MDGA2: variants seen among roughly 807,000 people sequenced by gnomAD.
MDGA2 encodes the protein MAM domain-containing glycosylphosphatidylinositol anchor protein 2.
A neutral mutation model predicts 117.8 loss-of-function variants in MDGA2; 40 were observed. The ratio of observed to expected loss-of-function variants is 0.34; its 90% CI spans 0.26 to 0.44. The LOEUF (loss-of-function observed/expected upper bound fraction) is 0.44, where lower values mean the gene tolerates loss of function less well. MDGA2 is among the 20% of genes least tolerant of loss of function. MDGA2 has a pLI of 1.00. For synonymous variants in MDGA2, 452 were observed against 439.0 expected (o/e 1.03, Z -0.37); for missense variants, 1,123 against 1,250.6 (o/e 0.90, Z 1.54).
At chr14:47,645,132 G>C (rs1429783281) in intron 1 of MDGA2, among the ~76,000 whole-genome samples, 1 of 152,100 alleles carries the variant, frequency 6.6e-6, no homozygotes, top group African/African-American at 2.4e-5. Context: ...TAACATATTT[G>C]AATGGCTTTA....
At chr14:47,633,697 C>T (rs1487344715) in intron 1 of MDGA2, among the ~76,000 whole-genome samples, 1 of 152,170 alleles carries the variant, frequency 6.6e-6, no homozygotes, top group African/African-American at 2.4e-5. Context: ...TTTACAAATG[C>T]TGTGCGAAAG....
chr14:47,555,023 G>C (rs962349931), intron 1 of MDGA2, among the ~76,000 whole-genome samples: 1 of 152,128 alleles, frequency 6.6e-6, no homozygotes, highest in African/African-American at 2.4e-5. Context: ...GCCTATAAAC[G>C]TTATGGGAAA....
chr14:47,372,766 C>G (rs1052781032), intron 1 of MDGA2, among the ~76,000 whole-genome samples: 1 of 151,812 alleles, frequency 6.6e-6, no homozygotes, highest in South Asian at 2.1e-4. Flanking sequence ...AAATGATTAT[C>G]GTAGCTTTGT....
intron 1 of MDGA2, among the ~76,000 whole-genome samples, chr14:47,530,560 C>A (rs1895076915): frequency 6.6e-6 from 1 of 152,074 alleles, no homozygotes; most frequent in South Asian, 2.1e-4. Context: ...TCAAACGATC[C>A]TAAATCCCTC....
At chr14:46,847,636 T>C (rs1313481252) in intron 15 of MDGA2, among the ~76,000 whole-genome samples, 1 of 151,970 alleles carries the variant, frequency 6.6e-6, no homozygotes, top group Non-Finnish European at 1.5e-5. Flanking sequence ...ATGAACGGTA[T>C]GAACATTTGA....
chr14:47,365,020 T>C (rs890345181), intron 1 of MDGA2, among the ~76,000 whole-genome samples: 1 of 152,250 alleles, frequency 6.6e-6, no homozygotes, highest in African/African-American at 2.4e-5. Context: ...TTAAGTCAAT[T>C]TGAAGAAAAC....
intron 1 of MDGA2, among the ~76,000 whole-genome samples, chr14:47,618,067 T>C (rs1019940858): frequency 6.6e-6 from 1 of 152,256 alleles, no homozygotes; most frequent in Middle Eastern, 3.4e-3. Flanking sequence ...GGGGTGAAAA[T>C]GGCAAAACTC....
At chr14:47,359,450 AG>A (rs1286020560) in intron 1 of MDGA2, among the ~76,000 whole-genome samples, 1 of 152,188 alleles carries the variant, frequency 6.6e-6, no homozygotes, top group Non-Finnish European at 1.5e-5. Context: ...ACCAACACAC[AG>A]ACTAACACAA....
intron 1 of MDGA2, among the ~76,000 whole-genome samples, chr14:47,591,942 A>G (rs1305611106): frequency 6.6e-6 from 1 of 152,062 alleles, no homozygotes; most frequent in Non-Finnish European, 1.5e-5. Context: ...CAATCAGGCA[A>G]TAGAAAGAAA....
intron 8 of MDGA2, among the ~76,000 whole-genome samples, chr14:46,981,180 C>G (rs952546969): frequency 7.6e-6 from 1 of 132,030 alleles, no homozygotes; most frequent in Admixed American, 7.7e-5. Context: ...AAGGGGGGGG[C>G]GGATCATGAG....
chr14:47,538,158 C>T (rs1446676041), intron 1 of MDGA2, among the ~76,000 whole-genome samples: 2 of 152,128 alleles, frequency 1.3e-5, no homozygotes, highest in African/African-American at 2.4e-5. Flanking sequence ...TATGATGTTT[C>T]GAATCTGTGC....
intron 8 of MDGA2, among the ~76,000 whole-genome samples, chr14:46,966,297 T>C (rs1380841438): frequency 6.6e-6 from 1 of 152,210 alleles, no homozygotes; most frequent in African/African-American, 2.4e-5. Context: ...ATGCATGCTC[T>C]TAAAAACAGC....
At position 47,375,705 on chromosome 14, in the gene MDGA2, T is replaced by C. The variant is rs192889488; in HGVS notation, c.281-74155A>G. ...ATAAAACTTTTCCTGATTATTCTAA[T>C]TACAATTCACATCTACCATTTTCTA... On this transcript the variant is annotated intron_variant, in intron 1 of 16. Coordinates refer to ENST00000399232, the MANE Select transcript of MDGA2 (RefSeq NM_001113498.3). Among the ~76,000 whole-genome samples, 12 of 152,250 alleles carry C rather than the reference T, an allele frequency of 7.9e-5. No homozygotes were observed. In the East Asian group the frequency reaches 1.5e-3, roughly 20 times the overall value.
intron 7 of MDGA2, among the ~76,000 whole-genome samples, chr14:47,054,776 G>A (rs1197869526): frequency 6.6e-6 from 1 of 151,636 alleles, no homozygotes; most frequent in Non-Finnish European, 1.5e-5. Flanking sequence ...TTAATAAATG[G>A]TGCTGGGAAA....
chr14:47,628,954 T>G (rs2138217954), intron 1 of MDGA2, among the ~76,000 whole-genome samples: 1 of 152,270 alleles, frequency 6.6e-6, no homozygotes, highest in Admixed American at 6.5e-5. Flanking sequence ...CCTCCAGAAC[T>G]CTCCATGGAG....
intron 1 of MDGA2, among the ~76,000 whole-genome samples, chr14:47,597,855 C>T (rs1331368908): frequency 2.1e-5 from 3 of 143,760 alleles, no homozygotes; most frequent in African/African-American, 8.6e-5. Context: ...TACACACACA[C>T]ACACACACAC....
In MDGA2 at chr14:46,922,905, C is replaced by T. The variant is rs558382640; in HGVS notation, c.2090-2745G>A. Reference sequence around the variant, plus strand: ...GGAGCGAAGTAGGATAGAATAATAACAGGAAATATTCGAAGCATTTCAGGA... The same window carrying T: ...GGAGCGAAGTAGGATAGAATAATAATAGGAAATATTCGAAGCATTTCAGGA... On this transcript the variant is annotated intron_variant, in intron 9 of 16. Coordinates refer to ENST00000399232, the MANE Select transcript of MDGA2 (RefSeq NM_001113498.3). 5.9e-5 allele frequency among the ~76,000 whole-genome samples: 9 copies of T among 152,300 alleles called. 1 individual carries two copies. Among genetic ancestry groups the T allele is most frequent in the African/African-American group, 1.9e-4 (8 of 41,566 alleles).
intron 1 of MDGA2, among the ~76,000 whole-genome samples, chr14:47,610,894 A>G (rs1388465821): frequency 3.9e-5 from 6 of 152,184 alleles, no homozygotes; most frequent in Non-Finnish European, 8.8e-5. Flanking sequence ...AAGAGCCCGC[A>G]TAGCCAAAGC....
chr14:46,929,646 T>TAC (rs1566530392), intron 9 of MDGA2, among the ~76,000 whole-genome samples: 7 of 34,248 alleles, frequency 2.0e-4, no homozygotes, highest in Admixed American at 3.3e-4. Context: ...TATATATATA[T>TAC]ACATTTTTTT....
Sources: allele counts gnomAD v4.1 joint callset (sites outside exome capture counted in the v4.1 genomes callset), GRCh38; gene constraint gnomAD v4.1.1; transcripts MANE v1.5; gene names NCBI Gene and HGNC (gene_info 2026-07-23, HGNC 2026-07-21).